The following FAXC variants were observed in gnomAD, a reference collection of about 807,000 sequenced individuals.
The protein encoded by FAXC is failed axon connections homolog.
FAXC carries 10 observed loss-of-function variants against 41.9 expected under a neutral mutation model. The ratio of observed to expected loss-of-function variants is 0.24; its 90% CI spans 0.15 to 0.41. The LOEUF is 0.41. FAXC is among the 10% of genes least tolerant of loss of function. The probability of loss-of-function intolerance (pLI) is 1.00; values close to 1 mark genes in which losing one functional copy is unlikely to be tolerated. For missense variants in FAXC, 399 were observed against 510.9 expected, an observed-to-expected ratio of 0.78 and a Z score of 2.11; for synonymous variants, 183 against 183.8, an observed-to-expected ratio of 1.00 and a Z score of 0.03.
Position 99,274,708 on chromosome 6 carries a change from A to G in FAXC, c.*6456T>C, listed in dbSNP as rs139107877. On this transcript the variant is annotated 3_prime_UTR_variant, in exon 6 of 6. Transcript: ENST00000389677. The stretch of plus-strand genomic sequence containing the variant: ...TTACAGGAGTAAACATGTCACCCCT[A>G]CTGAAGCAGAAGCCTTTAGCCTTAT... 3.3e-5 allele frequency: 5 copies of G among 152,334 alleles called. No individual in the cohort carries two copies. Among genetic ancestry groups the G allele is most frequent in the African/African-American group, 7.2e-5 (3 of 41,588 alleles). 9.4% of individuals were successfully genotyped at this position (152,334 alleles called of 1,614,324 possible). A position where few individuals can be genotyped will look rare whatever the true frequency, so the allele number is the denominator to read the frequency against.
At chr6:99,313,719 T>C (rs1214838998) in intron 4 of FAXC, among the ~76,000 whole-genome samples, 4 of 152,252 alleles carry the variant, frequency 2.6e-5, no homozygotes, top group Non-Finnish European at 5.9e-5. Context: ...GCTTGATTCA[T>C]TTGGAATTTA....
chr6:99,282,873 TC>T (rs1478111482), intron 5 of FAXC, among the ~76,000 whole-genome samples: 1 of 152,224 alleles, frequency 6.6e-6, no homozygotes, highest in Non-Finnish European at 1.5e-5. Flanking sequence ...TTTATGTTCT[TC>T]CAGAAAGGTA....
chr6:99,346,964 G>A (rs1407248353), intron 1 of FAXC, among the ~76,000 whole-genome samples: 1 of 152,004 alleles, frequency 6.6e-6, no homozygotes, highest in South Asian at 2.1e-4. Context: ...TCAAACATTT[G>A]TCCAGAAACA....
At chr6:99,314,292 T>C (rs760654219) in intron 4 of FAXC, among the ~76,000 whole-genome samples, 9 of 152,102 alleles carry the variant, frequency 5.9e-5, no homozygotes, top group South Asian at 4.1e-4. Flanking sequence ...CTCTAAAACA[T>C]AGTTCTCATT....
intron 2 of FAXC, among the ~76,000 whole-genome samples, chr6:99,336,030 T>C (rs1773204708): frequency 6.6e-6 from 1 of 152,108 alleles, no homozygotes; most frequent in South Asian, 2.1e-4. Context: ...CCGGTGATCT[T>C]TTTTTCCCAT....
chr6:99,314,921 T>C (rs1772283059), intron 4 of FAXC, among the ~76,000 whole-genome samples: 1 of 152,090 alleles, frequency 6.6e-6, no homozygotes, highest in Non-Finnish European at 1.5e-5. Flanking sequence ...TGGGCTTATC[T>C]TTCAGAATGC....
intron 4 of FAXC, among the ~76,000 whole-genome samples, chr6:99,322,378 C>G (rs1011857932): frequency 6.6e-6 from 1 of 152,140 alleles, no homozygotes; most frequent in African/African-American, 2.4e-5. Flanking sequence ...CAGGTTATAT[C>G]CAGAACGGCC....
At chr6:99,343,936 C>T (rs1482180803) in intron 1 of FAXC, among the ~76,000 whole-genome samples, 1 of 152,184 alleles carries the variant, frequency 6.6e-6, no homozygotes, top group East Asian at 1.9e-4. Context: ...AGCCACACAT[C>T]CATCTTTTCC....
In FAXC at chr6:99,323,594, G is replaced by C. The variant is rs1772671810; in HGVS notation, c.673C>G (p.Pro225Ala). 6.2e-7 allele frequency: 1 copy of C among 1,614,190 alleles called. No individual in the cohort carries two copies. The highest frequency in any genetic ancestry group is 8.5e-7 in the Non-Finnish European group (1 of 1,180,040). The change falls in exon 4 of 6, where the codon CCC becomes GCC. Residue 225 changes from proline to alanine, a missense_variant. By Grantham distance (27) the Pro-to-Ala change is conservative. Transcript: ENST00000389677. ...ACCCACCTCAGCAGGTTGCTGAAGG[G>C]ACCACCACCACTAAGAGAGAGCATC... ...RKMLSLSGGG[P>A]FSNLLRWVVC... is the part of the protein sequence containing the mutation.
rs138438580 is a variant in FAXC, at chr6:99,284,977, T to C, written c.941-3524A>G. On this transcript the variant is annotated intron_variant, in intron 5 of 5. Transcript: ENST00000389677. Reference sequence around the variant, plus strand: ...CAAAATAATAGAAAAACTGCATTTCTTCAAAGTGTACTCAACAATCGGATA... The same window carrying C: ...CAAAATAATAGAAAAACTGCATTTCCTCAAAGTGTACTCAACAATCGGATA... 7.7e-3 allele frequency among the ~76,000 whole-genome samples: 1,162 copies of C among 151,852 alleles called. 10 individuals are homozygous for C. The highest frequency in any genetic ancestry group is 0.026 in the African/African-American group (1,076 of 41,340).
chr6:99,327,296 A>G (rs1251222585), intron 3 of FAXC, among the ~76,000 whole-genome samples: 3 of 152,184 alleles, frequency 2.0e-5, no homozygotes, highest in African/African-American at 7.2e-5. Context: ...CACATAGAAG[A>G]TATCACATTG....
At chr6:99,286,285 A>G (rs1771027517) in intron 5 of FAXC, among the ~76,000 whole-genome samples, 1 of 152,230 alleles carries the variant, frequency 6.6e-6, no homozygotes. Context: ...CGAAGCTAAA[A>G]AATATTAATT....
At chr6:99,288,038 T>C (rs1228848776) in intron 5 of FAXC, among the ~76,000 whole-genome samples, 2 of 152,168 alleles carry the variant, frequency 1.3e-5, no homozygotes, top group African/African-American at 4.8e-5. Context: ...CAGATGTGCA[T>C]GAGGCCCAAA....
Position 99,349,458 on chromosome 6 carries a change from G to C in FAXC, c.-86C>G. 1 of 1,004,548 alleles carries C rather than the reference G, an allele frequency of 1.0e-6. No homozygotes were observed. The highest frequency in any genetic ancestry group is 1.2e-6 in the Non-Finnish European group (1 of 838,308). The allele number at this position is 1,004,548 out of a possible 1,614,324, so 62.2% of individuals were successfully genotyped here. On this transcript the variant is annotated 5_prime_UTR_variant, in exon 1 of 6. Coordinates refer to ENST00000389677, the MANE Select transcript of FAXC (RefSeq NM_032511.4). The stretch of plus-strand genomic sequence containing the variant: ...CGGCGCGGCCCGGCGCGGGCTCAGA[G>C]GCGCGCGGAGGGCGCGGGCGGCGCG...
chr6:99,274,136 G>A lies in FAXC; in HGVS notation c.*7028C>T, dbSNP rs964758677. ...AGAAGGAAATTCCAAAATTAAAGGAGTAAATGTATCAGGGCCAGACCCTCT... is the reference window on the plus strand; with the variant it reads ...AGAAGGAAATTCCAAAATTAAAGGAATAAATGTATCAGGGCCAGACCCTCT... On this transcript the variant is annotated 3_prime_UTR_variant, in exon 6 of 6. Transcript: ENST00000389677. 20 of 152,114 alleles carry A rather than the reference G, an allele frequency of 1.3e-4. No individual in the cohort carries two copies. Among genetic ancestry groups the A allele is most frequent in the African/African-American group, 4.3e-4 (18 of 41,410 alleles). 9.4% of individuals were successfully genotyped at this position (152,114 alleles called of 1,614,324 possible). A position where few individuals can be genotyped will look rare whatever the true frequency, so the allele number is the denominator to read the frequency against.
At chr6:99,343,643 T>C (rs1471747089) in intron 1 of FAXC, among the ~76,000 whole-genome samples, 2 of 152,204 alleles carry the variant, frequency 1.3e-5, no homozygotes, top group African/African-American at 4.8e-5. Flanking sequence ...CATTAGACTA[T>C]ACCATGAAAC....
In FAXC at chr6:99,349,529, A is replaced by AGAGGAG. The variant is rs59271412; in HGVS notation, c.-163_-158dup. On this transcript the variant is annotated 5_prime_UTR_variant, in exon 1 of 6. Coordinates refer to ENST00000389677, the MANE Select transcript of FAXC (RefSeq NM_032511.4). ...CGGCGGCGACTGAGGAGGCGGCGGCAGAGGAGGAGGAGGAGGAAGGGCACT... is the reference window on the plus strand; with the variant it reads ...CGGCGGCGACTGAGGAGGCGGCGGCAGAGGAGGAGGAGGAGGAGGAGGAAGGGCACT... 256 of 301,552 alleles carry AGAGGAG rather than the reference A, an allele frequency of 8.5e-4. 3 individuals carry two copies. The East Asian group carries it at 0.041, about 48-fold the overall frequency. The allele number at this position is 301,552 out of a possible 1,614,324, so 18.7% of individuals were successfully genotyped here. A position where few individuals can be genotyped will look rare whatever the true frequency, so the allele number is the denominator to read the frequency against.
intron 4 of FAXC, among the ~76,000 whole-genome samples, chr6:99,317,874 A>C (rs1227507492): frequency 6.6e-6 from 1 of 152,244 alleles, no homozygotes; most frequent in Non-Finnish European, 1.5e-5. Flanking sequence ...AAAAGGCAAA[A>C]GACAAAGCAG....
At position 99,277,251 on chromosome 6, in the gene FAXC, C is replaced by T. The variant is rs775624444; in HGVS notation, c.*3913G>A. ...AGCCCCTCACCCTGAGGCAATGCCA[C>T]ACCCCATCAGGGCCAAAGAGCTTTT... On this transcript the variant is annotated 3_prime_UTR_variant, in exon 6 of 6. Transcript: ENST00000389677. 2.0e-5 allele frequency: 3 copies of T among 152,374 alleles called. No individual in the cohort carries two copies. The highest frequency in any genetic ancestry group is 4.4e-5 in the Non-Finnish European group (3 of 68,180). 9.4% of individuals were successfully genotyped at this position (152,374 alleles called of 1,614,324 possible).
Sources: gnomAD v4.1 joint callset for allele counts (sites outside exome capture counted in the v4.1 genomes callset) on GRCh38, gnomAD v4.1.1 for gene constraint, MANE v1.5 for transcripts, NCBI Gene and HGNC (gene_info 2026-07-23, HGNC 2026-07-21) for gene names.